CTNND2: variants seen among roughly 807,000 people sequenced by gnomAD.
CTNND2 encodes the protein catenin delta 2.
A neutral mutation model predicts 144.4 loss-of-function variants in CTNND2; 22 were observed. The observed-to-expected ratio is 0.15, with a 90% CI of 0.11 to 0.22. CTNND2 has a LOEUF of 0.22. Among genes scored for constraint, CTNND2 ranks in the 10% least tolerant of loss-of-function variants. The probability of loss-of-function intolerance (pLI) is 1.00; values close to 1 mark genes in which losing one functional copy is unlikely to be tolerated. For synonymous variants in CTNND2, 751 were observed against 695.6 expected, an observed-to-expected ratio of 1.08 and a Z score of -1.25; for missense variants, 1,353 against 1,618.8, an observed-to-expected ratio of 0.84 and a Z score of 2.82.
At chr5:11,801,974 A>T (rs1791707633) in intron 1 of CTNND2, among the ~76,000 whole-genome samples, 1 of 152,044 alleles carries the variant, frequency 6.6e-6, no homozygotes, top group South Asian at 2.1e-4. Context: ...TCGAGTGTGT[A>T]TCTATTAAAA....
chr5:11,788,633 A>G (rs1581886619), intron 1 of CTNND2, among the ~76,000 whole-genome samples: 1 of 152,280 alleles, frequency 6.6e-6, no homozygotes, highest in East Asian at 1.9e-4. Flanking sequence ...CATGTAAATA[A>G]AAACAAGCAC....
intron 2 of CTNND2, among the ~76,000 whole-genome samples, chr5:11,628,974 G>A (rs1264719412): frequency 1.3e-5 from 2 of 152,164 alleles, no homozygotes; most frequent in Admixed American, 6.5e-5. Context: ...TAATTTGTGA[G>A]ATAATAAATT....
rs771925503 is a variant in CTNND2 at position 11,117,554 on chromosome 5, C to T, written c.2173G>A (p.Ala725Thr). 2.5e-6 allele frequency: 4 copies of T among 1,614,090 alleles called. No individual in the cohort carries two copies. In the South Asian group the frequency reaches 4.4e-5, roughly 18 times the overall value. Residue 725 changes from alanine (A) to threonine (T), a missense_variant, in exon 13 of 22, where the codon GCC becomes ACC. Around this residue, in one of 4 missense-constraint regions of CTNND2, gnomAD observed 459 missense variants for 674.3 expected, o/e 0.68. Transcript: ENST00000304623. ...ATCCTTCTGCGGGCCTCCTCTCCGGCCGAACTAACATTCCTGCAAAGCAAA... is the reference window on the plus strand; with the variant it reads ...ATCCTTCTGCGGGCCTCCTCTCCGGTCGAACTAACATTCCTGCAAAGCAAA... ...ATGCLRNVSSAGEEARRRMRE... is the reference protein window; with the variant it reads ...ATGCLRNVSSTGEEARRRMRE...
chr5:11,355,245 T>C (rs769541307), intron 8 of CTNND2, among the ~76,000 whole-genome samples: 3 of 152,052 alleles, frequency 2.0e-5, no homozygotes, highest in Admixed American at 2.0e-4. Flanking sequence ...AATAAAGGTG[T>C]GTTTATTTTT....
At chr5:11,024,501 C>T (rs1742618382) in intron 16 of CTNND2, among the ~76,000 whole-genome samples, 1 of 152,190 alleles carries the variant, frequency 6.6e-6, no homozygotes. Context: ...TTAACCCCCA[C>T]AAACCATTAG....
chr5:11,278,004 T>C (rs910842944), intron 9 of CTNND2, among the ~76,000 whole-genome samples: 13 of 152,162 alleles, frequency 8.5e-5, no homozygotes, highest in African/African-American at 2.9e-4. Flanking sequence ...AGTAGTTACT[T>C]CTTTTCTTAG....
At chr5:11,291,104 G>A (rs1748299682) in intron 9 of CTNND2, among the ~76,000 whole-genome samples, 1 of 152,028 alleles carries the variant, frequency 6.6e-6, no homozygotes, top group African/African-American at 2.4e-5. Context: ...ACTGCTTGGT[G>A]CTGTCCTGCC....
chr5:11,356,483 A>G (rs1258649537), intron 8 of CTNND2, among the ~76,000 whole-genome samples: 1 of 152,054 alleles, frequency 6.6e-6, no homozygotes, highest in Non-Finnish European at 1.5e-5. Flanking sequence ...TGCTGAGAAA[A>G]CTGATATCCA....
intron 8 of CTNND2, among the ~76,000 whole-genome samples, chr5:11,346,859 T>C (rs1754848167): frequency 6.6e-6 from 1 of 152,314 alleles, no homozygotes; most frequent in Non-Finnish European, 1.5e-5. Context: ...ATGCATCTGT[T>C]GTGTGTATAT....
intron 3 of CTNND2, among the ~76,000 whole-genome samples, chr5:11,517,494 G>A (rs1348660776): frequency 6.6e-6 from 1 of 151,992 alleles, no homozygotes; most frequent in Non-Finnish European, 1.5e-5. Context: ...ACATATTTAA[G>A]GTATACAATG....
intron 2 of CTNND2, among the ~76,000 whole-genome samples, chr5:11,721,898 C>T (rs1049508037): frequency 1.3e-5 from 2 of 152,228 alleles, no homozygotes; most frequent in South Asian, 2.1e-4. Flanking sequence ...ATATGGAGCT[C>T]GTCTATCAAC....
intron 3 of CTNND2, among the ~76,000 whole-genome samples, chr5:11,451,764 A>C (rs61760277): frequency 9.0e-4 from 137 of 152,372 alleles, no homozygotes; most frequent in African/African-American, 3.2e-3. Flanking sequence ...CTGTTTGCTA[A>C]ATCCTATAAC....
At chr5:10,986,485 G>T (rs1196646246) in intron 20 of CTNND2, among the ~76,000 whole-genome samples, 3 of 152,186 alleles carry the variant, frequency 2.0e-5, no homozygotes, top group African/African-American at 7.2e-5. Context: ...AGTTGAATTT[G>T]GTGTCATGAC....
chr5:11,424,086 A>G (rs1762580330), intron 3 of CTNND2, among the ~76,000 whole-genome samples: 1 of 152,194 alleles, frequency 6.6e-6, no homozygotes, highest in Non-Finnish European at 1.5e-5. Context: ...GTTTCGTTAA[A>G]AAGTTTAATG....
At chr5:11,387,300 T>C (rs1361764731) in intron 6 of CTNND2, among the ~76,000 whole-genome samples, 1 of 151,520 alleles carries the variant, frequency 6.6e-6, no homozygotes, top group Non-Finnish European at 1.5e-5. Context: ...CACCATAAAC[T>C]GAACAAACTC....
chr5:11,254,666 G>T (rs943702840), intron 9 of CTNND2, among the ~76,000 whole-genome samples: 1 of 152,140 alleles, frequency 6.6e-6, no homozygotes, highest in African/African-American at 2.4e-5. Context: ...TTACAAAGTG[G>T]AAGACGGTCT....
intron 15 of CTNND2, among the ~76,000 whole-genome samples, chr5:11,093,500 T>A (rs2149657534): frequency 6.6e-6 from 1 of 152,274 alleles, no homozygotes; most frequent in East Asian, 1.9e-4. Flanking sequence ...ATGAGTGTTT[T>A]AAAGTTTAAA....
chr5:11,464,706 G>A (rs1766506570), intron 3 of CTNND2, among the ~76,000 whole-genome samples: 1 of 152,168 alleles, frequency 6.6e-6, no homozygotes, highest in Non-Finnish European at 1.5e-5. Context: ...GGTGGACCAG[G>A]GAGGAGAGAA....
Position 11,149,676 on chromosome 5 carries a change from C to A in CTNND2, c.2159+9900G>T, listed in dbSNP as rs181894121. 2.0e-4 allele frequency among the ~76,000 whole-genome samples: 30 copies of A among 152,162 alleles called. No individual in the cohort carries two copies. In the East Asian group the frequency reaches 4.3e-3, roughly 22 times the overall value. ...ACGCAGGACTAATCTGAAGTCCTGGCGGTCTGTCCTTTTATGTAGCAGACT... is the reference window on the plus strand; with the variant it reads ...ACGCAGGACTAATCTGAAGTCCTGGAGGTCTGTCCTTTTATGTAGCAGACT... On this transcript the variant is annotated intron_variant, in intron 12 of 21. Coordinates refer to ENST00000304623, the MANE Select transcript of CTNND2 (RefSeq NM_001332.4).
Sources: gnomAD v4.1 joint callset for allele counts (sites outside exome capture counted in the v4.1 genomes callset) on GRCh38, gnomAD v4.1.1 for gene constraint, gnomAD v4.1.1 regional missense constraint, MANE v1.5 for transcripts, NCBI Gene and HGNC (gene_info 2026-07-23, HGNC 2026-07-21) for gene names.